SRSF11: variants seen among roughly 807,000 people sequenced by gnomAD.
The protein encoded by SRSF11 is serine and arginine rich splicing factor 11, also known as serine/arginine-rich splicing factor 11.
Under a neutral mutation model 56.0 loss-of-function variants are expected in SRSF11, and 9 were observed. The ratio of observed to expected loss-of-function variants is 0.16; its 90% CI spans 0.10 to 0.28. The LOEUF (loss-of-function observed/expected upper bound fraction) is 0.28, where lower values mean the gene tolerates loss of function less well. Ranked by LOEUF, SRSF11 falls within the 10% of genes least tolerant of loss-of-function variation. The probability of loss-of-function intolerance (pLI) is 1.00; values close to 1 mark genes in which losing one functional copy is unlikely to be tolerated. For synonymous variants in SRSF11, 222 were observed against 215.3 expected (o/e 1.03, Z -0.27); for missense variants, 421 against 600.7 (o/e 0.70, Z 3.13).
At chr1:70,211,673 T>G (rs929098634) in intron 1 of SRSF11, among the ~76,000 whole-genome samples, 2 of 152,140 alleles carry the variant, frequency 1.3e-5, no homozygotes, top group Non-Finnish European at 2.9e-5. Flanking sequence ...TTTTTTCTAC[T>G]TGAGGTTGGT....
At chr1:70,236,816 T>TTTTTTA in intron 5 of SRSF11, among the ~76,000 whole-genome samples, 2 of 144,550 alleles carry the variant, frequency 1.4e-5, no homozygotes, top group African/African-American at 5.2e-5. Context: ...TTTTTTTTTT[T>TTTTTTA]TTTTTGAGAC....
At chr1:70,220,189 A>G (rs555553114), upstream of SRSF11, among the ~76,000 whole-genome samples, 53 of 152,346 alleles carry the variant, frequency 3.5e-4, no homozygotes, top group Admixed American at 2.5e-3. Flanking sequence ...GTTACTTAGC[A>G]GAAAAGAGGA....
intron 8 of SRSF11, among the ~76,000 whole-genome samples, chr1:70,245,949 A>C (rs1676647207): frequency 6.6e-6 from 1 of 152,186 alleles, no homozygotes; most frequent in African/African-American, 2.4e-5. Context: ...CTGTTCTAGT[A>C]ATCTAGGAGT....
At chr1:70,250,115 T>C (rs1677665468) in intron 10 of SRSF11, 68 bp downstream of exon 10, 1 of 1,440,922 alleles carries the variant, frequency 6.9e-7, no homozygotes, top group Non-Finnish European at 9.6e-7. Flanking sequence ...AAAACTGTCC[T>C]GTAGTTTTTC....
chr1:70,247,286 CTG>C (rs898134232), intron 9 of SRSF11: 7 of 189,058 alleles, frequency 3.7e-5, no homozygotes, highest in African/African-American at 1.7e-4. Context: ...CTTTTAATGA[CTG>C]TTGAATTAAT....
chr1:70,206,411 A>AT (rs1446196978), intron 1 of SRSF11, among the ~76,000 whole-genome samples: 8 of 152,194 alleles, frequency 5.3e-5, no homozygotes, highest in Non-Finnish European at 8.8e-5. Context: ...ATAAGTGAAG[A>AT]TAAAAACTAG....
chr1:70,251,684 C>G lies in SRSF11; in HGVS notation c.*879C>G, dbSNP rs1351776914. ...TCTTTCATTAATTTGTTTTAAGCTC[C>G]GTGTTGGAAAAAAGGGGTAGTGCAT... On this transcript the variant is annotated 3_prime_UTR_variant, in exon 12 of 12. Transcript: ENST00000370949. 1 of 152,324 alleles carries G rather than the reference C, an allele frequency of 6.6e-6. No individual in the cohort carries two copies. The highest frequency in any genetic ancestry group is 1.5e-5 in the Non-Finnish European group (1 of 67,918). 9.4% of individuals were successfully genotyped at this position (152,324 alleles called of 1,614,324 possible). A position where few individuals can be genotyped will look rare whatever the true frequency, so the allele number is the denominator to read the frequency against.
At chr1:70,247,893 T>C (rs994540850) in intron 9 of SRSF11, among the ~76,000 whole-genome samples, 1 of 152,048 alleles carries the variant, frequency 6.6e-6, no homozygotes, top group East Asian at 1.9e-4. Context: ...TATGCAAATA[T>C]CTAGTAAGTA....
chr1:70,247,545 T>TA (rs930933444), intron 9 of SRSF11, among the ~76,000 whole-genome samples: 9 of 150,724 alleles, frequency 6.0e-5, no homozygotes, highest in South Asian at 2.1e-4. Context: ...TCATGCCATA[T>TA]AAAAAAAAAT....
Position 70,229,919 on chromosome 1 carries a change from G to A in SRSF11, c.337+1364G>A, listed in dbSNP as rs899363365. On this transcript the variant is annotated intron_variant, in intron 2 of 11. Transcript: ENST00000370949. Reference sequence around the variant, plus strand: ...TAGATAGATAAATTTTTGAGTTAGTGTGTTTTGGTTAAGCAATTTCTTTTA... The same window carrying A: ...TAGATAGATAAATTTTTGAGTTAGTATGTTTTGGTTAAGCAATTTCTTTTA... 5.1e-6 allele frequency: 5 copies of A among 985,272 alleles called. No individual in the cohort carries two copies. In the African/African-American group the frequency reaches 5.2e-5, roughly 10 times the overall value. The allele number at this position is 985,272 out of a possible 1,614,324, so 61.0% of individuals were successfully genotyped here.
intron 1 of SRSF11, among the ~76,000 whole-genome samples, chr1:70,225,297 A>G (rs1195181841): frequency 1.3e-5 from 2 of 152,210 alleles, no homozygotes; most frequent in Non-Finnish European, 2.9e-5. Flanking sequence ...AAATTAGTAT[A>G]TTAGGTAAGG....
At position 70,251,100 on chromosome 1, in the gene SRSF11, G is replaced by A. The variant is rs185377979; in HGVS notation, c.*295G>A. On this transcript the variant is annotated 3_prime_UTR_variant, in exon 12 of 12. Transcript: ENST00000370949. Reference sequence around the variant, plus strand: ...GCTGCATGCATCTACAGCAGGCATGGATTGTTTATGTCGTATGATATCCTT... The same window carrying A: ...GCTGCATGCATCTACAGCAGGCATGAATTGTTTATGTCGTATGATATCCTT... The A allele has an allele frequency of 1.0e-3, 311 of 309,622 alleles. No homozygotes were observed. The highest frequency in any genetic ancestry group is 2.5e-3 in the Admixed American group (55 of 22,306). 19.2% of individuals were successfully genotyped at this position (309,622 alleles called of 1,614,324 possible). A position where few individuals can be genotyped will look rare whatever the true frequency, so the allele number is the denominator to read the frequency against.
intron 2 of SRSF11, chr1:70,231,527 G>C: frequency 2.8e-6 from 3 of 1,077,726 alleles, no homozygotes; most frequent in Non-Finnish European, 3.4e-6. Flanking sequence ...GGTATGGTTA[G>C]CATGGCACAT....
chr1:70,232,861 G>T (rs1673116362), intron 3 of SRSF11, among the ~76,000 whole-genome samples: 1 of 152,166 alleles, frequency 6.6e-6, no homozygotes, highest in Non-Finnish European at 1.5e-5. Context: ...AAAATTGGTT[G>T]CAATAGTGTT....
Position 70,244,819 on chromosome 1 carries a change from T to A in SRSF11, c.932+4T>A. On this transcript the variant is annotated splice_donor_region_variant and intron_variant, in intron 8 of 11. Transcript: ENST00000370949. ...CAAGGAGCACATCAAAAACAAGGTATAGCATTGGGTGAGAAAGCAAATTTT... is the reference window on the plus strand; with the variant it reads ...CAAGGAGCACATCAAAAACAAGGTAAAGCATTGGGTGAGAAAGCAAATTTT... 3 of 1,613,846 alleles carry A rather than the reference T, an allele frequency of 1.9e-6. No homozygotes were observed. Among genetic ancestry groups the A allele is most frequent in the Non-Finnish European group, 2.5e-6 (3 of 1,179,878 alleles).
Position 70,251,019 on chromosome 1 carries a change from A to AT in SRSF11, c.*216dup. 1 of 495,022 alleles carries AT rather than the reference A, an allele frequency of 2.0e-6. No individual in the cohort carries two copies. The highest frequency in any genetic ancestry group is 3.6e-6 in the Non-Finnish European group (1 of 278,562). The allele number at this position is 495,022 out of a possible 1,614,324, so 30.7% of individuals were successfully genotyped here. On this transcript the variant is annotated 3_prime_UTR_variant, in exon 12 of 12. Transcript: ENST00000370949. ...CCAATTCTTGTCATGGTGAAATCTGATTGAGTAACCAAGCAGTTTTACTAT... is the reference window on the plus strand; with the variant it reads ...CCAATTCTTGTCATGGTGAAATCTGATTTGAGTAACCAAGCAGTTTTACTAT...
intron 6 of SRSF11, 35 bp from the exon 7 acceptor site, chr1:70,239,404 C>A (rs774736941): frequency 6.6e-7 from 1 of 1,504,592 alleles, no homozygotes; most frequent in Non-Finnish European, 9.1e-7. Flanking sequence ...TATTTAATAA[C>A]TTCTAAATGC....
chr1:70,239,347 C>G, intron 6 of SRSF11, 92 bp from the exon 7 acceptor site: 1 of 831,638 alleles, frequency 1.2e-6, no homozygotes, highest in Non-Finnish European at 1.9e-6. Context: ...CCACTTCAGC[C>G]TCTCATAGTG....
intron 2 of SRSF11, 78 bp downstream of exon 2, chr1:70,228,633 T>A: frequency 6.8e-7 from 1 of 1,464,546 alleles, no homozygotes; most frequent in Non-Finnish European, 9.1e-7. Flanking sequence ...TGAGCATTAG[T>A]AGCATGTTAA....
Sources: gnomAD v4.1 joint callset for allele counts (sites outside exome capture counted in the v4.1 genomes callset) on GRCh38, gnomAD v4.1.1 for gene constraint, MANE v1.5 for transcripts, NCBI Gene and HGNC (gene_info 2026-07-23, HGNC 2026-07-21) for gene names.